The following SHISA6 variants were observed in gnomAD, a reference collection of about 807,000 sequenced individuals.
SHISA6 encodes shisa family member 6.
In SHISA6, 22 loss-of-function variants were observed where a neutral mutation model predicts 47.9. The observed-to-expected ratio is 0.46, with a 90% CI of 0.33 to 0.66. SHISA6 has a LOEUF of 0.66. Among genes scored for constraint, SHISA6 ranks in the 30% least tolerant of loss-of-function variants. The probability of loss-of-function intolerance (pLI) is 0.02; values close to 1 mark genes in which losing one functional copy is unlikely to be tolerated. For synonymous variants in SHISA6, 388 were observed against 337.8 expected (o/e 1.15, Z -1.63); for missense variants, 680 against 764.6 (o/e 0.89, Z 1.30).
At chr17:11,301,207 A>G (rs995635935) in intron 2 of SHISA6, among the ~76,000 whole-genome samples, 1 of 151,952 alleles carries the variant, frequency 6.6e-6, no homozygotes, top group African/African-American at 2.4e-5. Context: ...CCTATGATGT[A>G]GTGGTGGGTA....
At chr17:11,455,757 C>G (rs1167225363) in intron 3 of SHISA6, among the ~76,000 whole-genome samples, 1 of 152,208 alleles carries the variant, frequency 6.6e-6, no homozygotes, top group Non-Finnish European at 1.5e-5. Flanking sequence ...ATCCTCACAG[C>G]AGGGCACTAC....
chr17:11,345,587 G>A (rs1911678593), intron 2 of SHISA6, among the ~76,000 whole-genome samples: 1 of 151,994 alleles, frequency 6.6e-6, no homozygotes, highest in African/African-American at 2.4e-5. Flanking sequence ...TAACAATATT[G>A]TCTTCCAATC....
intron 2 of SHISA6, among the ~76,000 whole-genome samples, chr17:11,306,339 C>T (rs371455108): frequency 2.6e-5 from 4 of 152,222 alleles, no homozygotes; most frequent in Admixed American, 6.5e-5. Flanking sequence ...GGAGCAGAGC[C>T]GAACAATTCA....
intron 3 of SHISA6, among the ~76,000 whole-genome samples, chr17:11,454,903 C>T (rs1340163791): frequency 2.0e-5 from 3 of 152,244 alleles, no homozygotes; most frequent in Non-Finnish European, 2.9e-5. Flanking sequence ...GGCACGGTAG[C>T]TCATGCCTAT....
At chr17:11,507,129 TCCACC>T (rs1465473381) in intron 3 of SHISA6, among the ~76,000 whole-genome samples, 4 of 152,200 alleles carry the variant, frequency 2.6e-5, no homozygotes, top group African/African-American at 9.7e-5. Context: ...GACAATGACA[TCCACC>T]ACATTAGTAT....
intron 3 of SHISA6, among the ~76,000 whole-genome samples, chr17:11,510,939 C>T (rs1440626798): frequency 1.3e-5 from 2 of 152,148 alleles, no homozygotes; most frequent in Non-Finnish European, 2.9e-5. Flanking sequence ...CCAGTTCTGC[C>T]ATCTTCTATT....
At chr17:11,276,302 G>T (rs1182733324) in intron 2 of SHISA6, among the ~76,000 whole-genome samples, 1 of 152,118 alleles carries the variant, frequency 6.6e-6, no homozygotes, top group East Asian at 1.9e-4. Flanking sequence ...GAGGGGCAAA[G>T]GTGGCGGAGG....
intron 2 of SHISA6, among the ~76,000 whole-genome samples, chr17:11,298,825 C>T (rs1909833300): frequency 6.6e-6 from 1 of 152,180 alleles, no homozygotes. Flanking sequence ...CTCAAGGAGG[C>T]AGACCTCATC....
At chr17:11,460,320 A>G (rs1159582066) in intron 3 of SHISA6, among the ~76,000 whole-genome samples, 3 of 152,100 alleles carry the variant, frequency 2.0e-5, no homozygotes, top group Admixed American at 6.6e-5. Flanking sequence ...AAAATGATAG[A>G]CCTGAGTCCA....
chr17:11,354,875 A>C (rs552121301), intron 2 of SHISA6, among the ~76,000 whole-genome samples: 1 of 152,294 alleles, frequency 6.6e-6, no homozygotes, highest in East Asian at 1.9e-4. Flanking sequence ...TGAGCTTTAG[A>C]TGTCCCTATG....
At chr17:11,505,550 C>G (rs1011993838) in intron 3 of SHISA6, among the ~76,000 whole-genome samples, 1 of 152,208 alleles carries the variant, frequency 6.6e-6, no homozygotes, top group African/African-American at 2.4e-5. Context: ...GGGAACCCGT[C>G]CTTTCCTTCA....
intron 2 of SHISA6, among the ~76,000 whole-genome samples, chr17:11,328,410 A>G (rs1008890127): frequency 3.3e-5 from 5 of 152,192 alleles, no homozygotes; most frequent in African/African-American, 1.2e-4. Flanking sequence ...TCTGACATTT[A>G]CTGGTTGCAG....
At chr17:11,242,186 G>C (rs1338422533) in intron 1 of SHISA6, 126 bp downstream of exon 1, 1 of 1,289,534 alleles carries the variant, frequency 7.8e-7, no homozygotes. Flanking sequence ...TTCCACCATC[G>C]CTCCTTTTGC....
intron 3 of SHISA6, among the ~76,000 whole-genome samples, chr17:11,387,483 G>A (rs1567591675): frequency 1.3e-5 from 2 of 152,094 alleles, no homozygotes; most frequent in African/African-American, 2.4e-5. Context: ...GATTCTAGAC[G>A]CTAGGCTGAT....
chr17:11,380,244 G>A (rs773482874), intron 3 of SHISA6: 12 of 152,288 alleles, frequency 7.9e-5, no homozygotes, highest in Non-Finnish European at 1.0e-4. Context: ...GATCAAATGT[G>A]AATTCTGTTG....
intron 3 of SHISA6, among the ~76,000 whole-genome samples, chr17:11,489,248 A>G (rs1320041162): frequency 6.6e-6 from 1 of 151,996 alleles, no homozygotes; most frequent in African/African-American, 2.4e-5. Flanking sequence ...CAATTTTATG[A>G]AAATCTTTCT....
intron 2 of SHISA6, among the ~76,000 whole-genome samples, chr17:11,280,467 T>C (rs1014595126): frequency 6.6e-5 from 10 of 152,336 alleles, no homozygotes; most frequent in African/African-American, 2.4e-4. Flanking sequence ...ATACAACAGG[T>C]AGACTAGCAT....
intron 3 of SHISA6, among the ~76,000 whole-genome samples, chr17:11,396,795 G>A (rs78030992): frequency 1.1e-4 from 16 of 152,248 alleles, no homozygotes; most frequent in South Asian, 8.3e-4. Context: ...TAATGCATGC[G>A]GGGCTTAAAA....
At chr17:11,432,309 A>C (rs953764102) in intron 3 of SHISA6, among the ~76,000 whole-genome samples, 1 of 152,156 alleles carries the variant, frequency 6.6e-6, no homozygotes, top group Admixed American at 6.5e-5. Flanking sequence ...AGTCAGTGAG[A>C]ATGGGACAGT....
Sources: gnomAD v4.1 joint callset for allele counts (sites outside exome capture counted in the v4.1 genomes callset) on GRCh38, gnomAD v4.1.1 for gene constraint, MANE v1.5 for transcripts, NCBI Gene and HGNC (gene_info 2026-07-23, HGNC 2026-07-21) for gene names.